LIN52: variants seen among roughly 807,000 people sequenced by gnomAD.
LIN52 encodes lin-52 DREAM MuvB core complex component.
A neutral mutation model predicts 18.5 loss-of-function variants in LIN52; 4 were observed. The ratio of observed to expected loss-of-function variants is 0.22; its 90% CI spans 0.11 to 0.49. The LOEUF (loss-of-function observed/expected upper bound fraction) is 0.49, where lower values mean the gene tolerates loss of function less well. LIN52 is among the 20% of genes least tolerant of loss of function. The pLI is 0.97. For missense variants in LIN52, 102 were observed against 139.5 expected (o/e 0.73, Z 1.35); for synonymous variants, 34 against 45.5 (o/e 0.75, Z 1.02).
intron 2 of LIN52, 127 bp downstream of exon 2, chr14:74,091,433 T>TG (rs1392496783): frequency 3.2e-6 from 2 of 629,238 alleles, no homozygotes; most frequent in Non-Finnish European, 2.7e-6. Context: ...AATTTAGCAG[T>TG]GGGGGGTTGT....
intron 5 of LIN52, among the ~76,000 whole-genome samples, chr14:74,147,972 A>G (rs2061159633): frequency 6.6e-6 from 1 of 152,216 alleles, no homozygotes; most frequent in African/African-American, 2.4e-5. Flanking sequence ...ATATTTCACA[A>G]TTTTAAAGTG....
chr14:74,091,839 T>C (rs150859498), intron 2 of LIN52, among the ~76,000 whole-genome samples: 57 of 151,242 alleles, frequency 3.8e-4, no homozygotes, highest in African/African-American at 1.0e-3. Flanking sequence ...TGAAGAGTTA[T>C]CATTTAACTT....
At chr14:74,152,105 A>T (rs963727428) in intron 5 of LIN52, among the ~76,000 whole-genome samples, 2 of 152,054 alleles carry the variant, frequency 1.3e-5, no homozygotes, top group Admixed American at 6.6e-5. Flanking sequence ...TCTATTAAAA[A>T]TACAAAAATT....
At chr14:74,180,571 T>G (rs2061314216) in intron 5 of LIN52, among the ~76,000 whole-genome samples, 1 of 151,772 alleles carries the variant, frequency 6.6e-6, no homozygotes, top group Non-Finnish European at 1.5e-5. Flanking sequence ...GGAGGAGGAA[T>G]TTTTTAAGGA....
intron 5 of LIN52, among the ~76,000 whole-genome samples, chr14:74,184,427 C>T (rs951358729): frequency 6.6e-6 from 1 of 152,192 alleles, no homozygotes. Context: ...TTCTTCTTTC[C>T]CGCCAAATTT....
At chr14:74,183,121 G>A (rs564579393) in intron 5 of LIN52, among the ~76,000 whole-genome samples, 6 of 148,414 alleles carry the variant, frequency 4.0e-5, no homozygotes, top group Non-Finnish European at 7.4e-5. Context: ...TTTTTTAGAC[G>A]GAGTCTCACT....
At chr14:74,162,965 T>G (rs2109752) in intron 5 of LIN52, among the ~76,000 whole-genome samples, 17,014 of 152,248 alleles carry the variant, frequency 0.11, 1,252 homozygotes, top group Admixed American at 0.19. Flanking sequence ...TACGAATGCA[T>G]GTTGAATAGA....
intron 5 of LIN52, among the ~76,000 whole-genome samples, chr14:74,178,478 G>A (rs1264934284): frequency 2.1e-5 from 3 of 143,340 alleles, no homozygotes; most frequent in East Asian, 4.0e-4. Context: ...TTTTTTTTGC[G>A]ACAGATTCTT....
At chr14:74,181,088 A>G (rs1373607555) in intron 5 of LIN52, among the ~76,000 whole-genome samples, 1 of 134,292 alleles carries the variant, frequency 7.4e-6, no homozygotes, top group Non-Finnish European at 1.5e-5. Context: ...AGCCTGGGTG[A>G]TGGAGCAAGA....
intron 5 of LIN52, among the ~76,000 whole-genome samples, chr14:74,151,352 G>A (rs2061176139): frequency 6.6e-6 from 1 of 152,062 alleles, no homozygotes; most frequent in Admixed American, 6.5e-5. Flanking sequence ...CCTTTAAGTG[G>A]GAATTATTGG....
At chr14:74,141,613 T>C (rs1405571623) in intron 5 of LIN52, among the ~76,000 whole-genome samples, 1 of 152,224 alleles carries the variant, frequency 6.6e-6, no homozygotes, top group Non-Finnish European at 1.5e-5. Context: ...TGTTTTAAAA[T>C]AGGAAATTCT....
At chr14:74,165,513 C>CTTTTCTTTTCTT (rs1555384151) in intron 5 of LIN52, among the ~76,000 whole-genome samples, 1 of 110,262 alleles carries the variant, frequency 9.1e-6, no homozygotes, top group African/African-American at 3.8e-5. Context: ...GTTTTCTTTT[C>CTTTTCTTTTCTT]TTTTTTTTTT....
At chr14:74,102,620 G>A (rs1378469408) in intron 5 of LIN52, among the ~76,000 whole-genome samples, 1 of 152,142 alleles carries the variant, frequency 6.6e-6, no homozygotes, top group African/African-American at 2.4e-5. Context: ...TTTCATAGTC[G>A]ATTTTGTTCC....
intron 1 of LIN52, among the ~76,000 whole-genome samples, chr14:74,087,658 T>C (rs931854218): frequency 2.0e-5 from 3 of 152,198 alleles, no homozygotes; most frequent in Non-Finnish European, 4.4e-5. Context: ...CTTCTATTTT[T>C]AGTGTTCCAC....
At chr14:74,194,889 A>C (rs1219382062) in intron 5 of LIN52, among the ~76,000 whole-genome samples, 2 of 152,234 alleles carry the variant, frequency 1.3e-5, no homozygotes, top group Non-Finnish European at 2.9e-5. Context: ...TCATGCCTAT[A>C]ATCCTAGCAC....
intron 5 of LIN52, among the ~76,000 whole-genome samples, chr14:74,137,173 T>TA (rs968134544): frequency 6.0e-5 from 6 of 99,406 alleles, no homozygotes; most frequent in African/African-American, 2.1e-4. Flanking sequence ...TATATATATA[T>TA]TTTTTTAATC....
intron 5 of LIN52, 131 bp from the exon 6 acceptor site, chr14:74,198,791 T>C: frequency 1.5e-6 from 1 of 685,168 alleles, no homozygotes; most frequent in Non-Finnish European, 2.5e-6. Flanking sequence ...TAGTTGGTGA[T>C]GATTGAATCT....
In LIN52 at chr14:74,165,513, C is replaced by CTTTTTTTTTTTTTTTTTTTT. The variant is rs71460962; in HGVS notation, c.284-33394_284-33393insTTTTTTTTTTTTTTTTTTTT. 2.7e-3 allele frequency among the ~76,000 whole-genome samples: 303 copies of CTTTTTTTTTTTTTTTTTTTT among 110,204 alleles called. 25 individuals carry two copies. The highest frequency in any genetic ancestry group is 4.5e-3 in the African/African-American group (119 of 26,658). The allele number at this position is 110,204 out of a possible 152,430, so 72.3% of individuals were successfully genotyped here. A position where few individuals can be genotyped will look rare whatever the true frequency, so the allele number is the denominator to read the frequency against. On this transcript the variant is annotated intron_variant, in intron 5 of 5. Transcript: ENST00000555028. Reference sequence around the variant, plus strand: ...AATGGAGAATTACAGGTTTTCTTTTCTTTTTTTTTTTTTTTGAGACAGAGT... The same window carrying CTTTTTTTTTTTTTTTTTTTT: ...AATGGAGAATTACAGGTTTTCTTTTCTTTTTTTTTTTTTTTTTTTTTTTTTTTTTTTTTTTGAGACAGAGT...
intron 4 of LIN52, among the ~76,000 whole-genome samples, chr14:74,099,263 G>T (rs997197035): frequency 6.6e-6 from 1 of 151,880 alleles, no homozygotes; most frequent in Non-Finnish European, 1.5e-5. Context: ...AATGACTGTG[G>T]CATGATAAAT....
Sources: gnomAD v4.1 joint callset for allele counts (sites outside exome capture counted in the v4.1 genomes callset) on GRCh38, gnomAD v4.1.1 for gene constraint, MANE v1.5 for transcripts, NCBI Gene and HGNC (gene_info 2026-07-23, HGNC 2026-07-21) for gene names.